ADGRG6: variants seen among roughly 807,000 people sequenced by gnomAD.
ADGRG6 encodes the protein adhesion G protein-coupled receptor G6.
Under a neutral mutation model 142.4 loss-of-function variants are expected in ADGRG6, and 84 were observed. That is an observed-to-expected ratio of 0.59 (90% CI 0.49 to 0.71). The LOEUF is 0.71. ADGRG6 is among the 30% of genes least tolerant of loss of function. ADGRG6 has a pLI of 0.00. For missense variants in ADGRG6, 1,367 were observed against 1,466.6 expected (o/e 0.93, Z 1.11); for synonymous variants, 521 against 520.5 (o/e 1.00, Z -0.01).
At chr6:142,345,763 T>A (rs1352258007) in intron 2 of ADGRG6, among the ~76,000 whole-genome samples, 1 of 152,162 alleles carries the variant, frequency 6.6e-6, no homozygotes, top group Non-Finnish European at 1.5e-5. Flanking sequence ...AAGGAAAGTT[T>A]TGTTTCCTTT....
In ADGRG6 at chr6:142,325,383, A is replaced by G. The variant is rs1473359588; in HGVS notation, c.103+15739A>G. Among the ~76,000 whole-genome samples, 3 of 152,262 alleles carry G rather than the reference A, an allele frequency of 2.0e-5. No homozygotes were observed. The East Asian group carries it at 5.8e-4, about 29-fold the overall frequency. On this transcript the variant is annotated intron_variant, in intron 2 of 24. Transcript: ENST00000367609. The stretch of plus-strand genomic sequence containing the variant: ...ACATCTCCCACGAGGCTTGTAGCTT[A>G]GCAGAATCTTGGGCTGAGGCTCCAC...
intron 2 of ADGRG6, among the ~76,000 whole-genome samples, chr6:142,340,732 T>C (rs755620562): frequency 2.6e-5 from 4 of 152,094 alleles, no homozygotes; most frequent in Non-Finnish European, 4.4e-5. Flanking sequence ...AGAGAAACCT[T>C]TAACTCTTCA....
intron 1 of ADGRG6, among the ~76,000 whole-genome samples, chr6:142,306,681 T>TTG (rs1391275480): frequency 1.5e-4 from 23 of 152,030 alleles, no homozygotes; most frequent in Admixed American, 5.2e-4. Flanking sequence ...GAGTGTACTT[T>TTG]TGTGTGTGTG....
In ADGRG6 at chr6:142,370,179, C is replaced by T. The variant is rs374475116; in HGVS notation, c.455C>T (p.Ser152Phe). 5.0e-6 allele frequency: 8 copies of T among 1,600,124 alleles called. No homozygotes were observed. The highest frequency in any genetic ancestry group is 1.7e-5 in the Admixed American group (1 of 59,682). ...FNASYIRVAVSLRNQKVILPQ... is the reference protein window; with the variant it reads ...FNASYIRVAVFLRNQKVILPQ... Reference sequence around the variant, plus strand: ...TTATGTTTTGTCCTAGTTGCCGTGTCCTTAAGGAATCAAAAGGTCATTTTA... The same window carrying T: ...TTATGTTTTGTCCTAGTTGCCGTGTTCTTAAGGAATCAAAAGGTCATTTTA... Residue 152 changes from serine to phenylalanine, a missense_variant, in exon 4 of 25, where the codon TCC (serine) becomes TTC (phenylalanine). Transcript: ENST00000367609.
rs550871584 is a variant in ADGRG6 at position 142,341,889 on chromosome 6, A to G, written c.104-25680A>G. ...CAATGAATACCAAATTTTTAAAAAA[A>G]CTTGGATCATTCTGAAACTTGAGTA... is the stretch of plus-strand genomic sequence containing the variant. On this transcript the variant is annotated intron_variant, in intron 2 of 24. Transcript: ENST00000367609. Among the ~76,000 whole-genome samples, 44 of 151,782 alleles carry G rather than the reference A, an allele frequency of 2.9e-4. No individual in the cohort carries two copies. In the South Asian group the frequency reaches 5.2e-3, roughly 18 times the overall value.
At chr6:142,412,270 G>C (rs1285349547) in intron 18 of ADGRG6, among the ~76,000 whole-genome samples, 1 of 152,116 alleles carries the variant, frequency 6.6e-6, no homozygotes, top group Non-Finnish European at 1.5e-5. Flanking sequence ...TTTCTGTTTG[G>C]TTTTCATAAA....
At chr6:142,409,571 A>C (rs1775980918) in intron 16 of ADGRG6, among the ~76,000 whole-genome samples, 2 of 152,122 alleles carry the variant, frequency 1.3e-5, no homozygotes. Context: ...TTGTAGTGTC[A>C]AGAGCTTTTC....
intron 22 of ADGRG6, among the ~76,000 whole-genome samples, chr6:142,429,706 C>T (rs1231806607): frequency 6.6e-6 from 1 of 152,122 alleles, no homozygotes; most frequent in Non-Finnish European, 1.5e-5. Context: ...TGTGTGGCCA[C>T]TTCTTCTCAA....
At chr6:142,334,189 C>T (rs1035128958) in intron 2 of ADGRG6, among the ~76,000 whole-genome samples, 4 of 151,608 alleles carry the variant, frequency 2.6e-5, no homozygotes, top group African/African-American at 7.3e-5. Flanking sequence ...AGTTCTTAGA[C>T]AAAAGATGGA....
intron 4 of ADGRG6, among the ~76,000 whole-genome samples, chr6:142,377,213 G>T (rs1781543310): frequency 6.6e-6 from 1 of 152,200 alleles, no homozygotes; most frequent in South Asian, 2.1e-4. Context: ...GTGGTCAGTA[G>T]AGCAGGACTT....
At chr6:142,374,811 G>A (rs1468270897) in intron 4 of ADGRG6, among the ~76,000 whole-genome samples, 1 of 152,148 alleles carries the variant, frequency 6.6e-6, no homozygotes, top group Non-Finnish European at 1.5e-5. Flanking sequence ...AACTATATGT[G>A]TTTATGGTAT....
chr6:142,390,959 G>A (rs1051894410), intron 7 of ADGRG6, among the ~76,000 whole-genome samples: 4 of 151,676 alleles, frequency 2.6e-5, no homozygotes, highest in African/African-American at 9.7e-5. Context: ...CAACATTAGA[G>A]AACTACATGT....
intron 22 of ADGRG6, among the ~76,000 whole-genome samples, chr6:142,431,444 T>G (rs894114027): frequency 5.3e-5 from 8 of 152,198 alleles, no homozygotes; most frequent in Non-Finnish European, 1.2e-4. Flanking sequence ...GTAAAAGCTT[T>G]AACTCTGCAT....
chr6:142,392,275 A>G (rs1406207965), intron 7 of ADGRG6, among the ~76,000 whole-genome samples: 1 of 151,900 alleles, frequency 6.6e-6, no homozygotes, highest in Non-Finnish European at 1.5e-5. Flanking sequence ...CTCGTTTTGC[A>G]GTTGTATGGG....
chr6:142,432,400 T>C (rs1215995834), intron 22 of ADGRG6, among the ~76,000 whole-genome samples: 1 of 152,120 alleles, frequency 6.6e-6, no homozygotes, highest in African/African-American at 2.4e-5. Context: ...TAGAAATGAA[T>C]CTCAAGATTA....
At chr6:142,360,770 G>T (rs1780673462) in intron 2 of ADGRG6, among the ~76,000 whole-genome samples, 1 of 152,108 alleles carries the variant, frequency 6.6e-6, no homozygotes, top group Non-Finnish European at 1.5e-5. Flanking sequence ...TGATTCTCCT[G>T]CCTCAGCCTC....
At chr6:142,425,906 G>T (rs777682286) in intron 22 of ADGRG6, among the ~76,000 whole-genome samples, 1 of 152,110 alleles carries the variant, frequency 6.6e-6, no homozygotes, top group Non-Finnish European at 1.5e-5. Flanking sequence ...ATTTTTAAAC[G>T]CATTAGATCT....
At chr6:142,423,775 C>T in intron 22 of ADGRG6, among the ~76,000 whole-genome samples, 1 of 137,274 alleles carries the variant, frequency 7.3e-6, no homozygotes, top group African/African-American at 2.8e-5. Context: ...TGGCCATTTT[C>T]ACGATATTGA....
rs142481999 is a variant in ADGRG6, at chr6:142,430,283, G to A, written c.3320-7151G>A. Among the ~76,000 whole-genome samples the A allele has an allele frequency of 1.3e-3, 192 of 152,256 alleles. 1 individual carries two copies. The highest frequency in any genetic ancestry group is 4.5e-3 in the African/African-American group (187 of 41,552). ...TATTGATGATAATTCTGCTGAAAGT[G>A]TCAGTGGCCTTTAGTTGTTGAAGAA... On this transcript the variant is annotated intron_variant, in intron 22 of 24. Coordinates refer to ENST00000367609, the MANE Select transcript of ADGRG6 (RefSeq NM_198569.3).
Sources: gnomAD v4.1 joint callset for allele counts (sites outside exome capture counted in the v4.1 genomes callset) on GRCh38, gnomAD v4.1.1 for gene constraint, MANE v1.5 for transcripts, NCBI Gene and HGNC (gene_info 2026-07-23, HGNC 2026-07-21) for gene names.